The following SCN9A variants were observed in gnomAD, a reference collection of about 807,000 sequenced individuals.
SCN9A encodes the protein sodium voltage-gated channel alpha subunit 9.
A neutral mutation model predicts 187.0 loss-of-function variants in SCN9A; 131 were observed. The observed-to-expected ratio is 0.70, with a 90% CI of 0.61 to 0.81. The LOEUF (loss-of-function observed/expected upper bound fraction) is 0.81, where lower values mean the gene tolerates loss of function less well. SCN9A is among the 30% of genes least tolerant of loss of function. The pLI is 0.00. For synonymous variants in SCN9A, 809 were observed against 808.6 expected (o/e 1.00, Z -0.01); for missense variants, 2,252 against 2,396.6 (o/e 0.94, Z 1.26).
At chr2:166,255,324 G>C (rs1696219967) in intron 17 of SCN9A, among the ~76,000 whole-genome samples, 1 of 151,396 alleles carries the variant, frequency 6.6e-6, no homozygotes, top group Non-Finnish European at 1.5e-5. Flanking sequence ...TTGAAGCTGT[G>C]TTTTCTACTA....
At chr2:166,266,866 C>T (rs1365991244) in intron 17 of SCN9A, among the ~76,000 whole-genome samples, 1 of 151,652 alleles carries the variant, frequency 6.6e-6, no homozygotes, top group Non-Finnish European at 1.5e-5. Flanking sequence ...TTGTTGTTAA[C>T]ATATAGAAAT....
chr2:166,342,959 A>C (rs1405661099), intron 1 of SCN9A, among the ~76,000 whole-genome samples: 1 of 152,142 alleles, frequency 6.6e-6, no homozygotes, highest in Non-Finnish European at 1.5e-5. Flanking sequence ...TGCTGCAAAA[A>C]CGTTTTTAGC....
At chr2:166,295,495 T>A (rs902600591) in intron 7 of SCN9A, among the ~76,000 whole-genome samples, 1 of 152,122 alleles carries the variant, frequency 6.6e-6, no homozygotes, top group Non-Finnish European at 1.5e-5. Context: ...TGCAAACCTG[T>A]AGAGTGGGCT....
chr2:166,343,088 G>A (rs537818590), intron 1 of SCN9A, among the ~76,000 whole-genome samples: 1 of 152,110 alleles, frequency 6.6e-6, no homozygotes, highest in South Asian at 2.1e-4. Context: ...TGTAGTGCAG[G>A]TAAAAAGTCT....
chr2:166,204,439 G>C lies in SCN9A; in HGVS notation c.4424C>G (p.Thr1475Arg). The change falls in exon 25 of 27, where the codon ACA becomes AGA. Residue 1475 changes from threonine (T) to arginine (R), a missense_variant. This residue lies in a region of SCN9A where 368 missense variants were observed against 408.6 expected (regional missense o/e 0.90). Coordinates refer to ENST00000642356, the MANE Select transcript of SCN9A (RefSeq NM_001365536.1). ...ATTATAGTATTTCTTCTGTTCTTCT[G>C]TCATAAAGATGTCTTGACCTCCAAG... ...KKLGGQDIFM[T>R]EEQKKYYNAM... 1 of 1,593,764 alleles carries C rather than the reference G, an allele frequency of 6.3e-7. No homozygotes were observed. Among genetic ancestry groups the C allele is most frequent in the Non-Finnish European group, 8.5e-7 (1 of 1,173,066 alleles).
Position 166,306,607 on chromosome 2 carries a change from A to C in SCN9A, c.378-8T>G. On this transcript the variant is annotated splice_region_variant and splice_polypyrimidine_tract_variant and intron_variant, in intron 3 of 26. Transcript: ENST00000642356. ...ATGAGCATGCTGAATAAGGTAGCTT[A>C]GAATCAAGGAACAAAAGAGACGACA... 1.3e-6 allele frequency: 2 copies of C among 1,538,644 alleles called. No homozygotes were observed. The highest frequency in any genetic ancestry group is 1.8e-6 in the Non-Finnish European group (2 of 1,127,598).
intron 1 of SCN9A, among the ~76,000 whole-genome samples, chr2:166,314,186 G>A (rs1699049072): frequency 6.6e-6 from 1 of 152,198 alleles, no homozygotes; most frequent in Non-Finnish European, 1.5e-5. Context: ...GATGCATGAA[G>A]TGAGCACATG....
chr2:166,353,341 C>A (rs1012063982), intron 1 of SCN9A, among the ~76,000 whole-genome samples: 1 of 151,916 alleles, frequency 6.6e-6, no homozygotes, highest in Non-Finnish European at 1.5e-5. Context: ...GAACAAGAGA[C>A]CCTTTGTCTG....
chr2:166,283,763 C>T (rs1198543332), intron 12 of SCN9A, among the ~76,000 whole-genome samples: 2 of 152,060 alleles, frequency 1.3e-5, no homozygotes, highest in African/African-American at 4.8e-5. Flanking sequence ...CATAGCCATT[C>T]TAAATTTTTT....
Position 166,305,800 on chromosome 2 carries a change from A to G in SCN9A, c.588T>C (p.Ile196=), listed in dbSNP as rs1574905360. The change falls in exon 5 of 27, where the codon ATT becomes ATC. Residue 196 remains isoleucine (I), a synonymous_variant. Coordinates refer to ENST00000642356, the MANE Select transcript of SCN9A (RefSeq NM_001365536.1). The part of the protein sequence containing the change: ...DPWNWLDFVV[I]VFAYLTEFVN... ...AAGCTGAAAGTACTTACGCAAAAAC[A>G]ATGACGACAAAATCCAGCCAGTTCC... The G allele has an allele frequency of 6.2e-7, 1 of 1,613,466 alleles. No homozygotes were observed. Among genetic ancestry groups the G allele is most frequent in the Non-Finnish European group, 8.5e-7 (1 of 1,179,538 alleles).
At chr2:166,365,758 T>C (rs1700399561) in intron 1 of SCN9A, among the ~76,000 whole-genome samples, 2 of 152,206 alleles carry the variant, frequency 1.3e-5, no homozygotes, top group South Asian at 4.1e-4. Context: ...TACCTCCTTC[T>C]CTCAATTCTC....
At position 166,204,540 on chromosome 2, in the gene SCN9A, AG is replaced by A. The variant is rs1693706336; in HGVS notation, c.4399-77del. 1.5e-5 allele frequency: 13 copies of A among 857,934 alleles called. No homozygotes were observed. In the South Asian group the frequency reaches 2.6e-4, roughly 17 times the overall value. The allele number at this position is 857,934 out of a possible 1,614,324, so 53.1% of individuals were successfully genotyped here. A position where few individuals can be genotyped will look rare whatever the true frequency, so the allele number is the denominator to read the frequency against. Reference sequence around the variant, plus strand: ...ACATCTTTCTATAGATTACTAAAATAGGTTAAAATGTGTTAATATAGAAATA... The same window carrying A: ...ACATCTTTCTATAGATTACTAAAATAGTTAAAATGTGTTAATATAGAAATA... On this transcript the variant is annotated intron_variant, in intron 24 of 26. Coordinates refer to ENST00000642356, the MANE Select transcript of SCN9A (RefSeq NM_001365536.1).
intron 1 of SCN9A, among the ~76,000 whole-genome samples, chr2:166,347,522 A>T (rs547415198): frequency 2.6e-5 from 4 of 152,284 alleles, no homozygotes; most frequent in Admixed American, 6.5e-5. Context: ...CTCCTGACTT[A>T]GTAAAGAGCT....
chr2:166,218,350 G>A (rs1426282691), intron 24 of SCN9A, among the ~76,000 whole-genome samples: 1 of 151,900 alleles, frequency 6.6e-6, no homozygotes, highest in Non-Finnish European at 1.5e-5. Context: ...CATGGCACAT[G>A]TATACATATG....
At position 166,311,330 on chromosome 2, in the gene SCN9A, CTATATATATATATATATATATATA is replaced by C. The variant is rs10688081; in HGVS notation, c.258+145_258+168del. ...TGAAAAAGTACAGATTCTGAATATC[CTATATATATATATATATATATATA>C]TATATATATATATATATATATATTT... is the stretch of plus-strand genomic sequence containing the variant. On this transcript the variant is annotated intron_variant, in intron 2 of 26. Coordinates refer to ENST00000642356, the MANE Select transcript of SCN9A (RefSeq NM_001365536.1). Among the ~76,000 whole-genome samples the C allele has an allele frequency of 5.6e-4, 26 of 46,722 alleles. 3 individuals carry two copies. Among genetic ancestry groups the C allele is most frequent in the East Asian group, 3.7e-3 (3 of 806 alleles). The allele number at this position is 46,722 out of a possible 152,430, so 30.7% of individuals were successfully genotyped here.
chr2:166,222,417 C>T (rs1694626960), intron 24 of SCN9A, among the ~76,000 whole-genome samples: 1 of 152,042 alleles, frequency 6.6e-6, no homozygotes, highest in African/African-American at 2.4e-5. Flanking sequence ...ATCATGAGGT[C>T]AGGAGATCAA....
intron 1 of SCN9A, among the ~76,000 whole-genome samples, chr2:166,351,441 G>A (rs1700031123): frequency 1.3e-5 from 2 of 152,166 alleles, no homozygotes; most frequent in East Asian, 3.9e-4. Flanking sequence ...AGGTTCTATT[G>A]CAATATCTTC....
intron 17 of SCN9A, among the ~76,000 whole-genome samples, chr2:166,264,810 A>G (rs1315631209): frequency 6.6e-6 from 1 of 151,978 alleles, no homozygotes; most frequent in African/African-American, 2.4e-5. Context: ...CCCTTGCTCA[A>G]AATGCAGGTT....
chr2:166,218,409 T>TA (rs1328904435), intron 24 of SCN9A, among the ~76,000 whole-genome samples: 1 of 149,246 alleles, frequency 6.7e-6, no homozygotes, highest in East Asian at 2.0e-4. Flanking sequence ...TAAAGTAAAA[T>TA]AAAAAAATAA....
Sources: gnomAD v4.1 joint callset for allele counts (sites outside exome capture counted in the v4.1 genomes callset) on GRCh38, gnomAD v4.1.1 for gene constraint, gnomAD v4.1.1 regional missense constraint, MANE v1.5 for transcripts, NCBI Gene and HGNC (gene_info 2026-07-23, HGNC 2026-07-21) for gene names.